KCNB2: variants seen among roughly 807,000 people sequenced by gnomAD.
KCNB2 encodes potassium voltage-gated channel subfamily B member 2.
A neutral mutation model predicts 61.5 loss-of-function variants in KCNB2; 15 were observed. The ratio of observed to expected loss-of-function variants is 0.24; its 90% CI spans 0.16 to 0.38. The LOEUF (loss-of-function observed/expected upper bound fraction) is 0.38, where lower values mean the gene tolerates loss of function less well. Ranked by LOEUF, KCNB2 falls within the 10% of genes least tolerant of loss-of-function variation. The pLI, the probability that KCNB2 is intolerant of heterozygous loss-of-function variation, is 1.00. For synonymous variants in KCNB2, 457 were observed against 446.0 expected, an observed-to-expected ratio of 1.02 and a Z score of -0.31; for missense variants, 828 against 1,125.2, an observed-to-expected ratio of 0.74 and a Z score of 3.78.
Position 72,769,917 on chromosome 8 carries a change from C to A in KCNB2, c.580-166018C>A, listed in dbSNP as rs199957210. ...TGGTGTCAGGTGTTAATATGTTACC[C>A]CTTAGGAAATCTTCCACCCTAAGGA... On this transcript the variant is annotated intron_variant, in intron 2 of 2. Coordinates refer to ENST00000523207, the MANE Select transcript of KCNB2 (RefSeq NM_004770.3). 2.7e-4 allele frequency among the ~76,000 whole-genome samples: 41 copies of A among 152,182 alleles called. 1 individual carries two copies. Among genetic ancestry groups the A allele is most frequent in the Admixed American group, 2.6e-3 (39 of 15,288 alleles).
At chr8:72,616,540 G>A (rs1805622377) in intron 2 of KCNB2, among the ~76,000 whole-genome samples, 1 of 151,880 alleles carries the variant, frequency 6.6e-6, no homozygotes, top group African/African-American at 2.4e-5. Flanking sequence ...TGGTTCTAAG[G>A]GTTCATCAAA....
At chr8:72,738,783 C>A (rs1252631443) in intron 2 of KCNB2, among the ~76,000 whole-genome samples, 1 of 152,158 alleles carries the variant, frequency 6.6e-6, no homozygotes, top group Non-Finnish European at 1.5e-5. Flanking sequence ...CAAGTTTGAG[C>A]ATCCCTGGCA....
intron 2 of KCNB2, among the ~76,000 whole-genome samples, chr8:72,726,371 G>A (rs1807649560): frequency 6.6e-6 from 1 of 152,164 alleles, no homozygotes; most frequent in African/African-American, 2.4e-5. Flanking sequence ...CACACTCTAT[G>A]GCATTTTGTT....
intron 2 of KCNB2, among the ~76,000 whole-genome samples, chr8:72,906,294 T>A (rs1386610369): frequency 6.6e-6 from 1 of 152,234 alleles, no homozygotes; most frequent in African/African-American, 2.4e-5. Context: ...ACTCCTATTT[T>A]AAGAAGCCAA....
At chr8:72,833,818 C>A (rs1809736115) in intron 2 of KCNB2, among the ~76,000 whole-genome samples, 1 of 152,154 alleles carries the variant, frequency 6.6e-6, no homozygotes, top group Non-Finnish European at 1.5e-5. Flanking sequence ...CATAAGAAGG[C>A]CTGTCAATCA....
intron 2 of KCNB2, among the ~76,000 whole-genome samples, chr8:72,581,035 G>T (rs1444621838): frequency 6.6e-6 from 1 of 152,076 alleles, no homozygotes; most frequent in Non-Finnish European, 1.5e-5. Context: ...CAAACACAGT[G>T]CCCCAGGTGT....
chr8:72,714,095 A>G (rs1304201901), intron 2 of KCNB2, among the ~76,000 whole-genome samples: 2 of 152,194 alleles, frequency 1.3e-5, no homozygotes, highest in African/African-American at 2.4e-5. Flanking sequence ...TGAAGCGTGA[A>G]GAAAAGTTTA....
intron 2 of KCNB2, among the ~76,000 whole-genome samples, chr8:72,854,287 G>A (rs1421435362): frequency 6.6e-6 from 1 of 151,990 alleles, no homozygotes. Flanking sequence ...TACACACTGG[G>A]CATATACATC....
Position 72,937,326 on chromosome 8 carries a change from G to C in KCNB2, c.1971G>C (p.Glu657Asp), listed in dbSNP as rs1419305758. Residue 657 changes from glutamate to aspartate, a missense_variant, in exon 3 of 3, where the codon GAG (glutamate) becomes GAC (aspartate). This residue lies in a region of KCNB2 where 559 missense variants were observed against 588.4 expected (regional missense o/e 0.95). Transcript: ENST00000523207. ...RGPPFLTLSR[E>D]KGPAARDGTL... is the part of the protein sequence containing the mutation. ...CCCCGTTTCTAACTCTATCCAGAGA[G>C]AAAGGACCTGCTGCCAGGGATGGCA... 2 of 1,614,044 alleles carry C rather than the reference G, an allele frequency of 1.2e-6. No individual in the cohort carries two copies. Among genetic ancestry groups the C allele is most frequent in the Middle Eastern group, 1.6e-4 (1 of 6,062 alleles).
In KCNB2 at chr8:72,937,424, C is replaced by T. The variant is rs1806940166; in HGVS notation, c.2069C>T (p.Pro690Leu). Residue 690 changes from proline (P) to leucine (L), a missense_variant, in exon 3 of 3, where the codon CCT (proline) becomes CTT (leucine). Pro to Leu is a moderately conservative substitution (Grantham distance 98, BLOSUM62 -3). Coordinates refer to ENST00000523207, the MANE Select transcript of KCNB2 (RefSeq NM_004770.3). ...GGCTCCCAGTGTGGGCTACATAGTC[C>T]TTTGCAGTCTGACAATGCCACCGAC... ...ASGSQCGLHS[P>L]LQSDNATDSP... The T allele has an allele frequency of 1.2e-6, 2 of 1,613,882 alleles. No individual in the cohort carries two copies.
At chr8:72,609,256 G>A (rs1805500952) in intron 2 of KCNB2, among the ~76,000 whole-genome samples, 1 of 152,154 alleles carries the variant, frequency 6.6e-6, no homozygotes, top group South Asian at 2.1e-4. Flanking sequence ...ACTCTCATCA[G>A]TGCATGTAGC....
At chr8:72,670,758 G>A (rs1203889445) in intron 2 of KCNB2, among the ~76,000 whole-genome samples, 1 of 152,112 alleles carries the variant, frequency 6.6e-6, no homozygotes, top group Non-Finnish European at 1.5e-5. Context: ...TTAATCATTT[G>A]CCTTTGCTCC....
chr8:72,674,487 T>C (rs1806617859), intron 2 of KCNB2, among the ~76,000 whole-genome samples: 1 of 152,230 alleles, frequency 6.6e-6, no homozygotes, highest in African/African-American at 2.4e-5. Context: ...GTACAATAAA[T>C]AGACTTTTAT....
At chr8:72,656,509 T>C (rs1439168641) in intron 2 of KCNB2, among the ~76,000 whole-genome samples, 1 of 152,196 alleles carries the variant, frequency 6.6e-6, no homozygotes, top group Non-Finnish European at 1.5e-5. Flanking sequence ...AAGGCTTTCA[T>C]TGTAATGTTA....
rs768553000 is a variant in KCNB2, at chr8:72,795,723, G to A, written c.580-140212G>A. Among the ~76,000 whole-genome samples, 39 of 152,180 alleles carry A rather than the reference G, an allele frequency of 2.6e-4. 1 individual carries two copies. The highest frequency in any genetic ancestry group is 4.7e-4 in the Non-Finnish European group (32 of 68,026). ...AGTGTGAACTGGGAAAGGGAGCTGA[G>A]ACATTGTAAAATTCCTGAAGATGGC... On this transcript the variant is annotated intron_variant, in intron 2 of 2. Coordinates refer to ENST00000523207, the MANE Select transcript of KCNB2 (RefSeq NM_004770.3).
At chr8:72,561,759 A>ATATG (rs1329405807) in intron 1 of KCNB2, among the ~76,000 whole-genome samples, 2 of 21,294 alleles carry the variant, frequency 9.4e-5, no homozygotes, top group African/African-American at 4.7e-4. Context: ...ATATATATAT[A>ATATG]TGGATATATA....
At chr8:72,899,896 G>T (rs562756409) in intron 2 of KCNB2, among the ~76,000 whole-genome samples, 1 of 152,228 alleles carries the variant, frequency 6.6e-6, no homozygotes, top group African/African-American at 2.4e-5. Context: ...CAGGCCAGTT[G>T]TCATGGGTCA....
chr8:72,675,734 A>G (rs1806643009), intron 2 of KCNB2, among the ~76,000 whole-genome samples: 1 of 151,988 alleles, frequency 6.6e-6, no homozygotes, highest in Admixed American at 6.6e-5. Context: ...TTGTATTTTT[A>G]GTAGAGACGG....
intron 2 of KCNB2, among the ~76,000 whole-genome samples, chr8:72,809,776 A>G (rs1285928709): frequency 6.6e-6 from 1 of 152,172 alleles, no homozygotes; most frequent in Non-Finnish European, 1.5e-5. Context: ...AAATTTAGAA[A>G]CAAATACCAA....
Sources: allele counts gnomAD v4.1 joint callset (sites outside exome capture counted in the v4.1 genomes callset), GRCh38; gene constraint gnomAD v4.1.1; regional missense constraint gnomAD v4.1.1; transcripts MANE v1.5; gene names NCBI Gene and HGNC (gene_info 2026-07-23, HGNC 2026-07-21).